The following INSL6 variants were observed in gnomAD, a reference collection of about 807,000 sequenced individuals.
INSL6 encodes the protein insulin-like peptide INSL6.
A neutral mutation model predicts 9.4 loss-of-function variants in INSL6; 16 were observed. That is an observed-to-expected ratio of 1.70 (90% CI 1.15 to 2.59). INSL6 has a LOEUF of 2.59. INSL6 is among the 30% of genes most tolerant of loss of function. The pLI is 0.00. For synonymous variants in INSL6, 154 were observed against 96.9 expected (o/e 1.59, Z -3.46); for missense variants, 391 against 257.3 (o/e 1.52, Z -3.56).
At chr9:5,080,268 T>C in the INSL6 span, 109 of 1,613,676 alleles carry the variant, frequency 6.8e-5, 1 homozygote, top group East Asian at 5.4e-4. Context: ...CCTGAATGCA[T>C]TGAAAATCCT....
the INSL6 span, among the ~76,000 whole-genome samples, chr9:5,024,285 T>C: frequency 5.3e-5 from 8 of 152,194 alleles, no homozygotes; most frequent in Non-Finnish European, 1.0e-4. Flanking sequence ...GCTTGTAAGA[T>C]TCATTTTTAG....
chr9:5,143,042 C>T (rs1185440932), intron 2 of INSL6, among the ~76,000 whole-genome samples: 3 of 152,164 alleles, frequency 2.0e-5, no homozygotes, highest in African/African-American at 7.2e-5. Flanking sequence ...AGGGATAAAG[C>T]CTACTCGATT....
chr9:5,115,186 A>G, the INSL6 span, among the ~76,000 whole-genome samples: 1 of 152,208 alleles, frequency 6.6e-6, no homozygotes, highest in Non-Finnish European at 1.5e-5. Context: ...GCTAATATCA[A>G]GAATCTACAA....
chr9:5,181,829 T>C (rs542817118), intron 1 of INSL6, among the ~76,000 whole-genome samples: 2 of 152,314 alleles, frequency 1.3e-5, no homozygotes, highest in African/African-American at 4.8e-5. Flanking sequence ...AAGGTTAACA[T>C]GTATATGAAA....
chr9:5,151,844 CTG>C (rs1304471722), intron 2 of INSL6, among the ~76,000 whole-genome samples: 3 of 152,056 alleles, frequency 2.0e-5, no homozygotes, highest in Non-Finnish European at 2.9e-5. Context: ...AAAGCATACA[CTG>C]TGAACTTGAT....
At chr9:5,148,189 C>G (rs935337830) in intron 2 of INSL6, among the ~76,000 whole-genome samples, 1 of 152,142 alleles carries the variant, frequency 6.6e-6, no homozygotes, top group Admixed American at 6.5e-5. Flanking sequence ...GTGGTATAAA[C>G]TGAGTATAGT....
rs115207805 is a variant in INSL6 at position 5,185,597 on chromosome 9, C to T, written c.6G>A (p.Pro2=). ...ACAGCAGGGACAAGCGGAGGAGCCG[C>T]GGCATCCCTGTGACCCCAGGCTAGT... is the stretch of plus-strand genomic sequence containing the variant. M[P]RLLRLSLLWL... is the part of the protein sequence containing the mutation. The change falls in exon 1 of 2, where the codon CCG becomes CCA. Residue 2 remains proline, a synonymous_variant. Coordinates refer to ENST00000381641, the MANE Select transcript of INSL6 (RefSeq NM_007179.3). 883 of 1,611,788 alleles carry T rather than the reference C, an allele frequency of 5.5e-4. No individual in the cohort carries two copies. The African/African-American group carries it at 0.011, about 20-fold the overall frequency.
chr9:5,029,770 G>C, the INSL6 span: 1 of 1,597,536 alleles, frequency 6.3e-7, no homozygotes, highest in Non-Finnish European at 8.5e-7. Flanking sequence ...TCCTTTCTCT[G>C]CTTCTTTTCT....
intron 2 of INSL6, among the ~76,000 whole-genome samples, chr9:5,152,833 T>G (rs1824737231): frequency 6.6e-6 from 1 of 152,128 alleles, no homozygotes; most frequent in African/African-American, 2.4e-5. Context: ...ATTTCTGCAT[T>G]TCCAACTAAG....
chr9:5,061,465 A>C, the INSL6 span, among the ~76,000 whole-genome samples: 2 of 152,204 alleles, frequency 1.3e-5, no homozygotes, highest in African/African-American at 4.8e-5. Flanking sequence ...TTCACCTTGC[A>C]CTTATGCTGT....
chr9:5,178,847 T>C (rs1297369070), intron 1 of INSL6, among the ~76,000 whole-genome samples: 4 of 152,126 alleles, frequency 2.6e-5, no homozygotes, highest in Non-Finnish European at 5.9e-5. Context: ...CCTTACACTC[T>C]ACACAAAAAT....
At chr9:5,126,594 A>G in intron 3 of INSL6, 4 of 970,986 alleles carry the variant, frequency 4.1e-6, no homozygotes, top group African/African-American at 3.3e-5. Flanking sequence ...TGGTTATGAC[A>G]TGTGCCCTGT....
intron 3 of INSL6, chr9:5,131,936 T>C (rs1282418761): frequency 6.6e-6 from 1 of 152,236 alleles, no homozygotes; most frequent in Non-Finnish European, 1.5e-5. Flanking sequence ...AAGGCTGTTA[T>C]AAATCCTTGT....
chr9:5,085,129 T>C, the INSL6 span: 2 of 648,678 alleles, frequency 3.1e-6, no homozygotes, highest in South Asian at 1.4e-5. Flanking sequence ...TTTTACACCA[T>C]CACTCTGTAA....
At chr9:5,048,957 C>A in the INSL6 span, among the ~76,000 whole-genome samples, 5 of 152,162 alleles carry the variant, frequency 3.3e-5, no homozygotes, top group South Asian at 1.0e-3. Flanking sequence ...TGTACTTCTG[C>A]TTTCTTTTTC....
At chr9:5,020,605 G>A in the INSL6 span, among the ~76,000 whole-genome samples, 1 of 152,186 alleles carries the variant, frequency 6.6e-6, no homozygotes, top group Non-Finnish European at 1.5e-5. Context: ...GGCTGTAGAT[G>A]TGATGAAGCT....
chr9:5,100,051 G>C, the INSL6 span: 1 of 152,174 alleles, frequency 6.6e-6, no homozygotes, highest in African/African-American at 2.4e-5. Flanking sequence ...CAACATTATA[G>C]TCAGTCATCT....
chr9:5,050,230 T>C, the INSL6 span, among the ~76,000 whole-genome samples: 2 of 152,210 alleles, frequency 1.3e-5, no homozygotes, highest in African/African-American at 4.8e-5. Flanking sequence ...CATTTGCAAA[T>C]GAACTTTTAT....
chr9:5,102,121 G>A, the INSL6 span, among the ~76,000 whole-genome samples: 21 of 152,136 alleles, frequency 1.4e-4, no homozygotes, highest in Non-Finnish European at 2.5e-4. Context: ...CAAACCCATC[G>A]CAAGGAAGCT....
Sources: allele counts gnomAD v4.1 joint callset (sites outside exome capture counted in the v4.1 genomes callset), GRCh38; gene constraint gnomAD v4.1.1; transcripts MANE v1.5; gene names NCBI Gene and HGNC (gene_info 2026-07-23, HGNC 2026-07-21).